Variants in NEK4 observed in about 807,000 individuals in gnomAD.
NEK4 encodes the protein NIMA related kinase 4.
In NEK4, 86 loss-of-function variants were observed where a neutral mutation model predicts 98.4. That is an observed-to-expected ratio of 0.87 (90% confidence interval 0.73 to 1.05). The LOEUF (loss-of-function observed/expected upper bound fraction) is 1.05. NEK4 is among the 50% of genes least tolerant of loss of function. NEK4 has a pLI of 0.00. For synonymous variants in NEK4, 328 were observed against 342.2 expected, an observed-to-expected ratio of 0.96 and a Z score of 0.46; for missense variants, 898 against 950.3, an observed-to-expected ratio of 0.94 and a Z score of 0.72.
rs759226181 is a variant in NEK4 at position 52,752,312 on chromosome 3, C to A, written c.988G>T (p.Glu330Ter). ...IMGEGKCLSQEKPRASGLLKS... is the reference protein window; with the variant it reads ...IMGEGKCLSQ ...AAGAGACCAGAGGCCCTGGGTTTCT[C>A]CTGGGACAAACATTTGCCTTCACCC... Residue 330 changes from glutamate (E) to a stop codon, truncating the protein, a stop_gained, in exon 7 of 16, where the codon GAG becomes TAG. Transcript: ENST00000233027. LOFTEE classifies it high-confidence loss of function. The A allele has an allele frequency of 1.2e-5, 20 of 1,613,524 alleles. No homozygotes were observed. The highest frequency in any genetic ancestry group is 1.4e-5 in the Non-Finnish European group (17 of 1,179,654).
intron 6 of NEK4, among the ~76,000 whole-genome samples, chr3:52,756,020 G>A (rs1170350332): frequency 6.6e-6 from 1 of 152,142 alleles, no homozygotes; most frequent in Non-Finnish European, 1.5e-5. Context: ...CTACAAAATG[G>A]TGCTGAAAGA....
chr3:52,733,527 C>A, intron 15 of NEK4: 1 of 486,010 alleles, frequency 2.1e-6, no homozygotes, highest in Non-Finnish European at 4.1e-6. Context: ...AAAAACCTTA[C>A]ACACGTAATG....
intron 15 of NEK4, among the ~76,000 whole-genome samples, chr3:52,731,124 A>ACG (rs1188909287): frequency 1.3e-5 from 2 of 152,234 alleles, no homozygotes; most frequent in African/African-American, 4.8e-5. Flanking sequence ...GCCAATAACA[A>ACG]AACAAAGGAG....
chr3:52,748,590 G>C (rs1030753268), intron 8 of NEK4, among the ~76,000 whole-genome samples: 3 of 152,106 alleles, frequency 2.0e-5, no homozygotes, highest in African/African-American at 7.2e-5. Flanking sequence ...TCAGTTATTT[G>C]GATGTACCCT....
intron 15 of NEK4, among the ~76,000 whole-genome samples, chr3:52,719,870 T>C (rs771114766): frequency 2.0e-5 from 3 of 152,048 alleles, no homozygotes; most frequent in Non-Finnish European, 4.4e-5. Flanking sequence ...ACAGAAATTA[T>C]GCAATCCAAA....
At chr3:52,769,764 T>C (rs1270016849) in intron 1 of NEK4, among the ~76,000 whole-genome samples, 2 of 152,208 alleles carry the variant, frequency 1.3e-5, no homozygotes, top group South Asian at 2.1e-4. Flanking sequence ...AGTTTCAAAA[T>C]TGTCCCAGTT....
At chr3:52,727,064 T>A (rs1462765572) in intron 15 of NEK4, among the ~76,000 whole-genome samples, 2 of 142,532 alleles carry the variant, frequency 1.4e-5, no homozygotes, top group Non-Finnish European at 3.0e-5. Flanking sequence ...AACCTCTGCC[T>A]CCCGGGTTCA....
chr3:52,739,306 G>A, intron 14 of NEK4, 123 bp downstream of exon 14: 1 of 741,070 alleles, frequency 1.3e-6, no homozygotes, highest in South Asian at 1.7e-5. Flanking sequence ...GGCTGAAGCA[G>A]GAGAATCGCT....
intron 11 of NEK4, 71 bp from the exon 12 acceptor site, chr3:52,743,532 T>C: frequency 8.5e-7 from 1 of 1,175,774 alleles, no homozygotes; most frequent in Non-Finnish European, 1.3e-6. Context: ...TTGTATTTGG[T>C]ATGGAACATA....
chr3:52,749,344 G>C (rs909827088), intron 8 of NEK4, among the ~76,000 whole-genome samples: 3 of 151,600 alleles, frequency 2.0e-5, no homozygotes, highest in African/African-American at 7.3e-5. Context: ...TGTTGGCCAG[G>C]CTGGTCTTGA....
intron 8 of NEK4, among the ~76,000 whole-genome samples, chr3:52,748,095 G>C (rs1217388486): frequency 6.6e-6 from 1 of 151,598 alleles, no homozygotes; most frequent in African/African-American, 2.4e-5. Context: ...GAGTAGCTGG[G>C]ACTACAGGTG....
At chr3:52,752,917 A>AAAAAAAAAAAAAATATACATAC (rs1341504051) in intron 6 of NEK4, among the ~76,000 whole-genome samples, 1 of 83,952 alleles carries the variant, frequency 1.2e-5, no homozygotes. Flanking sequence ...AAAAAAAAAA[A>AAAAAAAAAAAAAATATACATAC]ATATATATAT....
intron 15 of NEK4, among the ~76,000 whole-genome samples, chr3:52,719,953 A>G (rs2097358591): frequency 6.6e-6 from 1 of 152,154 alleles, no homozygotes; most frequent in Non-Finnish European, 1.5e-5. Context: ...ACTGCACCAA[A>G]TATGTATAAA....
intron 15 of NEK4, among the ~76,000 whole-genome samples, chr3:52,724,232 AACACACAC>A (rs10528307): frequency 0.06 from 8,748 of 145,284 alleles, 348 homozygotes; most frequent in Non-Finnish European, 0.085. Flanking sequence ...TTTGTCTTAA[AACACACAC>A]ACACACACAC....
intron 3 of NEK4, 27 bp downstream of exon 3, chr3:52,766,151 A>G (rs565390714): frequency 3.9e-5 from 62 of 1,596,458 alleles, no homozygotes; most frequent in Non-Finnish European, 8.6e-7. Context: ...GAGACAAGGT[A>G]AGCCAGCATA....
chr3:52,734,933 T>A (rs1006627712), intron 15 of NEK4: 1 of 220,526 alleles, frequency 4.5e-6, no homozygotes, highest in Admixed American at 5.6e-5. Context: ...AATGGAAACA[T>A]TCTCCAGAAC....
At chr3:52,726,676 G>A (rs2097364874) in intron 15 of NEK4, among the ~76,000 whole-genome samples, 1 of 151,536 alleles carries the variant, frequency 6.6e-6, no homozygotes, top group Admixed American at 6.6e-5. Flanking sequence ...GGGAGGCTGA[G>A]GCGGGTGGAT....
At chr3:52,718,772 A>C (rs1159256069) in intron 15 of NEK4, among the ~76,000 whole-genome samples, 1 of 151,928 alleles carries the variant, frequency 6.6e-6, no homozygotes, top group Non-Finnish European at 1.5e-5. Flanking sequence ...CTTTTTTTTG[A>C]GACGGAGTTC....
At chr3:52,734,545 C>T (rs1430370690) in intron 15 of NEK4, among the ~76,000 whole-genome samples, 4 of 150,552 alleles carry the variant, frequency 2.7e-5, no homozygotes, top group Non-Finnish European at 4.4e-5. Flanking sequence ...TGGTGGCACA[C>T]ACCTGTAGTC....
Sources: allele counts gnomAD v4.1 joint callset (sites outside exome capture counted in the v4.1 genomes callset), GRCh38; gene constraint gnomAD v4.1.1; transcripts MANE v1.5; gene names NCBI Gene and HGNC (gene_info 2026-07-23, HGNC 2026-07-21).